The following IFITM10 variants were observed in gnomAD, a reference collection of about 807,000 sequenced individuals.
IFITM10 encodes the protein interferon-induced transmembrane protein 10.
In IFITM10, 17 loss-of-function variants were observed where a neutral mutation model predicts 19.0. The ratio of observed to expected loss-of-function variants is 0.90; its 90% CI spans 0.61 to 1.34. The LOEUF is 1.34. Ranked by LOEUF, IFITM10 falls within the 40% of genes most tolerant of loss-of-function variation. IFITM10 has a pLI of 0.00. For missense variants in IFITM10, 306 were observed against 319.8 expected (o/e 0.96, Z 0.33); for synonymous variants, 148 against 147.2 (o/e 1.01, Z -0.04).
rs972603449 is a variant in IFITM10, at chr11:1,746,610, C to G, written c.537+1057G>C. On this transcript the variant is annotated intron_variant, in intron 2 of 2. Coordinates refer to ENST00000340134, the MANE Select transcript of IFITM10 (RefSeq NM_001170820.4). ...TCAGGAGCAGGAGGGGAACGCCGAC[C>G]GCAGTTGCGATGCCGGGCGGGGTGG... The G allele has an allele frequency of 3.3e-5, 13 of 398,508 alleles. No individual in the cohort carries two copies. The East Asian group carries it at 3.6e-4, about 11-fold the overall frequency. 24.7% of individuals were successfully genotyped at this position (398,508 alleles called of 1,614,324 possible).
intron 2 of IFITM10, among the ~76,000 whole-genome samples, chr11:1,736,804 G>A (rs900623856): frequency 6.7e-6 from 1 of 149,338 alleles, no homozygotes; most frequent in African/African-American, 2.6e-5. Flanking sequence ...TGGAGTGAAT[G>A]GAACGGATAG....
In IFITM10 at chr11:1,732,732, G is replaced by C. The variant is rs1321955087; in HGVS notation, c.*2548C>G. On this transcript the variant is annotated 3_prime_UTR_variant, in exon 3 of 3. Transcript: ENST00000340134. The stretch of plus-strand genomic sequence containing the variant: ...TTGTAGCCCCACATTGCCCGGAGTT[G>C]GATACAAACATCCCAAGAGCTAGGG... 2 of 152,156 alleles carry C rather than the reference G, an allele frequency of 1.3e-5. No homozygotes were observed. The highest frequency in any genetic ancestry group is 2.9e-5 in the Non-Finnish European group (2 of 68,038). 9.4% of individuals were successfully genotyped at this position (152,156 alleles called of 1,614,324 possible). A position where few individuals can be genotyped will look rare whatever the true frequency, so the allele number is the denominator to read the frequency against.
At chr11:1,736,729 A>G (rs993011730) in intron 2 of IFITM10, among the ~76,000 whole-genome samples, 12 of 150,692 alleles carry the variant, frequency 8.0e-5, no homozygotes, top group Non-Finnish European at 1.3e-4. Flanking sequence ...AGTGGGTGGA[A>G]TGGATGGAGT....
rs766468036 is a variant in IFITM10 at position 1,749,032 on chromosome 11, GCGCGCGGCCGGACCC to G, written c.85-928_85-914del. 12 of 1,089,620 alleles carry G rather than the reference GCGCGCGGCCGGACCC, an allele frequency of 1.1e-5. No individual in the cohort carries two copies. The South Asian group carries it at 2.2e-4, about 20-fold the overall frequency. The allele number at this position is 1,089,620 out of a possible 1,614,324, so 67.5% of individuals were successfully genotyped here. A position where few individuals can be genotyped will look rare whatever the true frequency, so the allele number is the denominator to read the frequency against. ...CTCCTCACCTACAAGCGACTCCTCG[GCGCGCGGCCGGACCC>G]CCTGAGCCTCGGTGCGCGCGTCCTT... On this transcript the variant is annotated intron_variant, in intron 1 of 2. Transcript: ENST00000340134.
rs2133651140 is a variant in IFITM10 at position 1,748,110 on chromosome 11, G to A, written c.94C>T (p.Pro32Ser). The A allele has an allele frequency of 7.2e-7, 1 of 1,387,548 alleles. No homozygotes were observed. Among genetic ancestry groups the A allele is most frequent in the African/African-American group, 1.5e-5 (1 of 65,940 alleles). The allele number at this position is 1,387,548 out of a possible 1,614,324, so 86.0% of individuals were successfully genotyped here. A position where few individuals can be genotyped will look rare whatever the true frequency, so the allele number is the denominator to read the frequency against. The change falls in exon 2 of 3, where the codon CCC becomes TCC. Residue 32 changes from proline (P) to serine (S), a missense_variant. Pro to Ser is a moderately conservative substitution (Grantham distance 74). Coordinates refer to ENST00000340134, the MANE Select transcript of IFITM10 (RefSeq NM_001170820.4). The stretch of plus-strand genomic sequence containing the variant: ...CCCAGCGGGGCTGGGCACTGGCCGG[G>A]GCCCTGGGCCTGGAGAGGAGAAAGT... ...EAQWELEAQGPGQCPAPLGDP... is the reference protein window; with the variant it reads ...EAQWELEAQGSGQCPAPLGDP...
chr11:1,736,994 T>A (rs7940241), intron 2 of IFITM10, among the ~76,000 whole-genome samples: 48,902 of 151,772 alleles, frequency 0.32, 9,138 homozygotes, highest in African/African-American at 0.52. Context: ...GTATTGAGGA[T>A]TCAGGGTAAG....
chr11:1,738,479 T>C (rs1416783452), intron 2 of IFITM10, among the ~76,000 whole-genome samples: 1 of 152,154 alleles, frequency 6.6e-6, no homozygotes, highest in Non-Finnish European at 1.5e-5. Context: ...CATATGAATA[T>C]ATGTCCAAGT....
At chr11:1,741,662 T>C (rs1288178011) in intron 2 of IFITM10, among the ~76,000 whole-genome samples, 1 of 152,010 alleles carries the variant, frequency 6.6e-6, no homozygotes, top group Non-Finnish European at 1.5e-5. Context: ...AGAGAGGAAC[T>C]GGCTCTGGCT....
chr11:1,749,991 C>CGT, intron 1 of IFITM10, among the ~76,000 whole-genome samples: 1 of 152,202 alleles, frequency 6.6e-6, no homozygotes, highest in Non-Finnish European at 1.5e-5. Context: ...CAAAGTGTCC[C>CGT]GTTCCGAGCT....
At chr11:1,741,735 C>T (rs761332368) in intron 2 of IFITM10, among the ~76,000 whole-genome samples, 60 of 152,082 alleles carry the variant, frequency 3.9e-4, no homozygotes, top group Non-Finnish European at 7.2e-4. Context: ...GAAGGGATGA[C>T]ATATAAGTGG....
At chr11:1,746,767 G>A (rs1377948097) in intron 2 of IFITM10, 1 of 398,828 alleles carries the variant, frequency 2.5e-6, no homozygotes, top group Non-Finnish European at 4.4e-6. Context: ...TGCATTGGTG[G>A]AGTACATCTG....
Position 1,750,512 on chromosome 11 carries a change from T to C in IFITM10, c.-70A>G, listed in dbSNP as rs1232662936. 6.5e-7 allele frequency: 1 copy of C among 1,539,178 alleles called. No homozygotes were observed. Among genetic ancestry groups the C allele is most frequent in the East Asian group, 2.4e-5 (1 of 40,818 alleles). On this transcript the variant is annotated 5_prime_UTR_variant, in exon 1 of 3. Transcript: ENST00000340134. The stretch of plus-strand genomic sequence containing the variant: ...CCACTCTCAACTGGCCTCCTGTGTC[T>C]CCGCAACCCTCTTTCCTGTCTGGAA...
At chr11:1,743,980 G>A (rs981566189) in intron 2 of IFITM10, among the ~76,000 whole-genome samples, 6 of 152,086 alleles carry the variant, frequency 3.9e-5, no homozygotes, top group Non-Finnish European at 7.4e-5. Context: ...TCCCATTGAG[G>A]ACAGGGGCCT....
intron 2 of IFITM10, among the ~76,000 whole-genome samples, chr11:1,736,347 G>C (rs1317461628): frequency 2.0e-5 from 3 of 152,190 alleles, no homozygotes; most frequent in African/African-American, 7.2e-5. Flanking sequence ...TGGATGGACA[G>C]AGGATAGATG....
rs1248133260 is a variant in IFITM10, at chr11:1,732,680, T to C, written c.*2600A>G. The C allele has an allele frequency of 6.6e-6, 1 of 152,152 alleles. No homozygotes were observed. The highest frequency in any genetic ancestry group is 1.5e-5 in the Non-Finnish European group (1 of 68,058). 9.4% of individuals were successfully genotyped at this position (152,152 alleles called of 1,614,324 possible). A position where few individuals can be genotyped will look rare whatever the true frequency, so the allele number is the denominator to read the frequency against. ...CGCGGGAGCACCAGCCCTCCCCCGG[T>C]CCCCAGGGTATGGAAGCCAGGGGCC... On this transcript the variant is annotated 3_prime_UTR_variant, in exon 3 of 3. Transcript: ENST00000340134.
intron 2 of IFITM10, chr11:1,746,599 G>A (rs1845653091): frequency 1.5e-5 from 6 of 398,662 alleles, no homozygotes; most frequent in Non-Finnish European, 2.7e-5. Context: ...GAGCAGGAGG[G>A]GAACGCCGAC....
At position 1,748,108 on chromosome 11, in the gene IFITM10, G is replaced by A. The variant is rs1433309777; in HGVS notation, c.96C>T (p.Pro32=). The change falls in exon 2 of 3, where the codon CCC becomes CCT. Residue 32 remains proline (P), a synonymous_variant. Transcript: ENST00000340134. ...EAQWELEAQG[P]GQCPAPLGDP... ...CTCCCAGCGGGGCTGGGCACTGGCC[G>A]GGGCCCTGGGCCTGGAGAGGAGAAA... The A allele has an allele frequency of 6.5e-6, 9 of 1,389,946 alleles. No individual in the cohort carries two copies. Among genetic ancestry groups the A allele is most frequent in the Admixed American group, 3.4e-5 (1 of 29,366 alleles). The allele number at this position is 1,389,946 out of a possible 1,614,324, so 86.1% of individuals were successfully genotyped here.
At chr11:1,741,456 C>G (rs1050258945) in intron 2 of IFITM10, among the ~76,000 whole-genome samples, 2 of 151,334 alleles carry the variant, frequency 1.3e-5, no homozygotes, top group African/African-American at 2.4e-5. Flanking sequence ...AGGAGGAGAG[C>G]GGGAGAGAGA....
intron 2 of IFITM10, chr11:1,744,708 T>C: frequency 6.6e-6 from 1 of 152,418 alleles, no homozygotes; most frequent in East Asian, 1.9e-4. Flanking sequence ...CACTGTCTAG[T>C]TCATACCACT....
Sources: allele counts gnomAD v4.1 joint callset (sites outside exome capture counted in the v4.1 genomes callset), GRCh38; gene constraint gnomAD v4.1.1; transcripts MANE v1.5; gene names NCBI Gene and HGNC (gene_info 2026-07-23, HGNC 2026-07-21).